Variants in TNFSF9 observed in about 807,000 individuals in gnomAD.
TNFSF9 encodes the protein TNF superfamily member 9.
In TNFSF9, 10 loss-of-function variants were observed where a neutral mutation model predicts 10.3. That is an observed-to-expected ratio of 0.97 (90% CI 0.60 to 1.65). The LOEUF is 1.65. Among genes scored for constraint, TNFSF9 ranks in the 40% most tolerant of loss-of-function variants. TNFSF9 has a pLI of 0.00. For missense variants in TNFSF9, 361 were observed against 348.9 expected (o/e 1.03, Z -0.28); for synonymous variants, 195 against 176.1 (o/e 1.11, Z -0.85).
chr19:6,533,240 A>G, intron 2 of TNFSF9, among the ~76,000 whole-genome samples: 1 of 108,282 alleles, frequency 9.2e-6, no homozygotes, highest in East Asian at 2.5e-4. Flanking sequence ...CCTTACTCCC[A>G]TTCTCTTCCC....
Position 6,534,949 on chromosome 19 carries a change from T to G in TNFSF9, c.648T>G (p.Leu216=). 6.2e-7 allele frequency: 1 copy of G among 1,611,568 alleles called. No individual in the cohort carries two copies. Among genetic ancestry groups the G allele is most frequent in the Non-Finnish European group, 8.5e-7 (1 of 1,179,634 alleles). Residue 216 remains leucine (L), a synonymous_variant, in exon 3 of 3, where the codon CTT becomes CTG. Transcript: ENST00000245817. The stretch of plus-strand genomic sequence containing the variant: ...CCGGCCAGCGCCTGGGCGTCCATCT[T>G]CACACTGAGGCCAGGGCACGCCATG... ...LSAGQRLGVH[L]HTEARARHAW...
At chr19:6,532,664 G>T in intron 1 of TNFSF9, 122 bp from the exon 2 acceptor site, 1 of 1,326,512 alleles carries the variant, frequency 7.5e-7, no homozygotes, top group South Asian at 1.2e-5. Flanking sequence ...TGGGAGGGAA[G>T]GGAAGCGTAG....
chr19:6,534,673 G>C lies in TNFSF9; in HGVS notation c.372G>C (p.Leu124=). The C allele has an allele frequency of 6.3e-7, 1 of 1,591,778 alleles. No homozygotes were observed. The highest frequency in any genetic ancestry group is 8.5e-7 in the Non-Finnish European group (1 of 1,169,862). ...CAGGCGTGTCCCTGACGGGGGGCCT[G>C]AGCTACAAAGAGGACACGAAGGAGC... The part of the protein sequence containing the change: ...GLAGVSLTGG[L]SYKEDTKELV... Residue 124 remains leucine (L), a synonymous_variant, in exon 3 of 3, where the codon CTG becomes CTC. Coordinates refer to ENST00000245817, the MANE Select transcript of TNFSF9 (RefSeq NM_003811.4).
intron 1 of TNFSF9, among the ~76,000 whole-genome samples, chr19:6,531,859 G>A (rs1283778138): frequency 6.6e-6 from 1 of 152,166 alleles, no homozygotes; most frequent in Non-Finnish European, 1.5e-5. Context: ...GGCAGTGGGT[G>A]GGGGCACCCC....
chr19:6,534,769 G>T lies in TNFSF9; in HGVS notation c.468G>T (p.Glu156Asp). ...AGCTGCGGCGCGTGGTGGCCGGCGA[G>T]GGCTCAGGCTCCGTTTCACTTGCGC... ...QLELRRVVAG[E>D]GSGSVSLALH... Residue 156 changes from glutamate (E) to aspartate (D), a missense_variant, in exon 3 of 3, where the codon GAG (glutamate) becomes GAT (aspartate). Coordinates refer to ENST00000245817, the MANE Select transcript of TNFSF9 (RefSeq NM_003811.4). 2.5e-6 allele frequency: 4 copies of T among 1,599,680 alleles called. No individual in the cohort carries two copies. Among genetic ancestry groups the T allele is most frequent in the Admixed American group, 1.7e-5 (1 of 57,766 alleles).
chr19:6,535,287 T>TA lies in TNFSF9; in HGVS notation c.*221_*222insA, dbSNP rs139412297. 2.1e-5 allele frequency: 3 copies of TA among 142,840 alleles called. No homozygotes were observed. The highest frequency in any genetic ancestry group is 7.9e-5 in the African/African-American group (3 of 37,892). 8.8% of individuals were successfully genotyped at this position (142,840 alleles called of 1,614,324 possible). A position where few individuals can be genotyped will look rare whatever the true frequency, so the allele number is the denominator to read the frequency against. On this transcript the variant is annotated 3_prime_UTR_variant, in exon 3 of 3. Transcript: ENST00000245817. Reference sequence around the variant, plus strand: ...GAGCTCAGATAATATATTATATATATTATATATATATATATATTTCTATTT... The same window carrying TA: ...GAGCTCAGATAATATATTATATATATATATATATATATATATATTTCTATTT...
In TNFSF9 at chr19:6,531,045, C is replaced by A; in HGVS notation, c.9C>A (p.Tyr3Ter). 1 of 1,609,408 alleles carries A rather than the reference C, an allele frequency of 6.2e-7. No homozygotes were observed. The highest frequency in any genetic ancestry group is 8.5e-7 in the Non-Finnish European group (1 of 1,178,290). Reference sequence around the variant, plus strand: ...TCCCGCAGTCTCTCGTCATGGAATACGCCTCTGACGCTTCACTGGACCCCG... The same window carrying A: ...TCCCGCAGTCTCTCGTCATGGAATAAGCCTCTGACGCTTCACTGGACCCCG... ME[Y>*]ASDASLDPEA... Residue 3 changes from tyrosine to a stop codon, truncating the protein, a stop_gained, in exon 1 of 3, where the codon TAC becomes TAA. Transcript: ENST00000245817. LOFTEE classifies it high-confidence loss of function.
intron 2 of TNFSF9, among the ~76,000 whole-genome samples, chr19:6,533,132 G>A (rs971464475): frequency 2.0e-5 from 3 of 151,120 alleles, no homozygotes; most frequent in Admixed American, 1.3e-4. Context: ...CCTTCTTTTC[G>A]AAACCCTCTT....
At chr19:6,534,276 T>A (rs1409602601) in intron 2 of TNFSF9, among the ~76,000 whole-genome samples, 1 of 150,460 alleles carries the variant, frequency 6.6e-6, no homozygotes, top group African/African-American at 2.4e-5. Flanking sequence ...CCTCTTGGAG[T>A]TTTGCCCTGT....
intron 1 of TNFSF9, among the ~76,000 whole-genome samples, chr19:6,532,481 CTGTG>C (rs1212345270): frequency 1.6e-5 from 2 of 121,372 alleles, no homozygotes; most frequent in East Asian, 2.4e-4. Flanking sequence ...TCGTGTGTGT[CTGTG>C]TGTGTTCGTG....
At chr19:6,531,438 G>C (rs1915144656) in intron 1 of TNFSF9, 135 bp downstream of exon 1, 1 of 1,251,744 alleles carries the variant, frequency 8.0e-7, no homozygotes, top group Non-Finnish European at 1.0e-6. Flanking sequence ...ACCCACCGGG[G>C]CTCCCATTCT....
chr19:6,535,160 A>G lies in TNFSF9; in HGVS notation c.*94A>G. ...GTGCTGGGTCCCTGCTGCTTTCTCT[A>G]CCTCAAGGGGCTTGGCAGGGGTCCC... On this transcript the variant is annotated 3_prime_UTR_variant, in exon 3 of 3. Transcript: ENST00000245817. 7.5e-7 allele frequency: 1 copy of G among 1,333,754 alleles called. No individual in the cohort carries two copies. The highest frequency in any genetic ancestry group is 9.9e-7 in the Non-Finnish European group (1 of 1,012,952). The allele number at this position is 1,333,754 out of a possible 1,614,324, so 82.6% of individuals were successfully genotyped here. A position where few individuals can be genotyped will look rare whatever the true frequency, so the allele number is the denominator to read the frequency against.
At chr19:6,534,448 C>T in intron 2 of TNFSF9, 152 bp from the exon 3 acceptor site, 3 of 554,280 alleles carry the variant, frequency 5.4e-6, no homozygotes, top group Non-Finnish European at 3.1e-6. Flanking sequence ...CGCTCTGCTC[C>T]CCTGTCCCGC....
intron 1 of TNFSF9, among the ~76,000 whole-genome samples, chr19:6,532,342 TGGGGG>T (rs1915165399): frequency 6.6e-6 from 1 of 150,688 alleles, no homozygotes; most frequent in African/African-American, 2.5e-5. Context: ...TGTGTTCGTG[TGGGGG>T]TGCGTATGTG....
At chr19:6,531,397 CCTGTT>C (rs1262135475) in intron 1 of TNFSF9, 94 bp downstream of exon 1, 56 of 1,362,862 alleles carry the variant, frequency 4.1e-5, no homozygotes, top group Non-Finnish European at 5.3e-5. Context: ...CCCAGGGACA[CCTGTT>C]CTACACTCCC....
chr19:6,534,551 T>G (rs1915223711), intron 2 of TNFSF9, 49 bp from the exon 3 acceptor site: 1 of 1,502,844 alleles, frequency 6.7e-7, no homozygotes, highest in Non-Finnish European at 8.9e-7. Context: ...CACGCTCAGC[T>G]GTGCTGGGAC....
chr19:6,535,750 G>A lies in TNFSF9; in HGVS notation c.*684G>A, dbSNP rs1044200110. The stretch of plus-strand genomic sequence containing the variant: ...ATGAGTCAATGCAGCCTCCAGCCTC[G>A]ACCTCCCGAGGCTCAGGTGATCCTC... On this transcript the variant is annotated 3_prime_UTR_variant, in exon 3 of 3. Transcript: ENST00000245817. The A allele has an allele frequency of 5.9e-5, 9 of 151,956 alleles. No homozygotes were observed. The highest frequency in any genetic ancestry group is 3.2e-3 in the Middle Eastern group (1 of 316). 9.4% of individuals were successfully genotyped at this position (151,956 alleles called of 1,614,324 possible).
rs1192501658 is a variant in TNFSF9, at chr19:6,532,764, T to G, written c.268-22T>G. ...TTTCTAGGGGAACCCCCATCCACTT[T>G]CCTCCTTTCTACTTTTAACAGGGCA... On this transcript the variant is annotated intron_variant, in intron 1 of 2. Coordinates refer to ENST00000245817, the MANE Select transcript of TNFSF9 (RefSeq NM_003811.4). 1.9e-6 allele frequency: 3 copies of G among 1,613,654 alleles called. No homozygotes were observed. In the South Asian group the frequency reaches 3.3e-5, roughly 18 times the overall value.
chr19:6,532,619 TTG>T (rs146976620), intron 1 of TNFSF9, among the ~76,000 whole-genome samples, 165 bp from the exon 2 acceptor site: 5,977 of 147,592 alleles, frequency 0.04, 250 homozygotes, highest in African/African-American at 0.11. Flanking sequence ...GTTTGTGTGT[TTG>T]TGTGTGTGTG....
Sources: allele counts gnomAD v4.1 joint callset (sites outside exome capture counted in the v4.1 genomes callset), GRCh38; gene constraint gnomAD v4.1.1; transcripts MANE v1.5; gene names NCBI Gene and HGNC (gene_info 2026-07-23, HGNC 2026-07-21).